The following GADL1 variants were observed in gnomAD, a reference collection of about 807,000 sequenced individuals.
GADL1 encodes acidic amino acid decarboxylase GADL1.
In GADL1, 71 loss-of-function variants were observed where a neutral mutation model predicts 69.5. The observed-to-expected ratio is 1.02, with a 90% CI of 0.84 to 1.25. The LOEUF is 1.25. Among genes scored for constraint, GADL1 ranks in the 50% most tolerant of loss-of-function variants. The pLI is 0.00. For missense variants in GADL1, 737 were observed against 631.8 expected (o/e 1.17, Z -1.79); for synonymous variants, 254 against 214.4 (o/e 1.18, Z -1.62).
Position 30,787,594 on chromosome 3 carries a change from C to CA in GADL1, c.1251-1189dup, listed in dbSNP as rs998796919. Among the ~76,000 whole-genome samples the CA allele has an allele frequency of 3.3e-4, 50 of 151,926 alleles. 1 individual carries two copies. Among genetic ancestry groups the CA allele is most frequent in the African/African-American group, 1.2e-3 (49 of 41,366 alleles). On this transcript the variant is annotated intron_variant, in intron 12 of 14. Transcript: ENST00000282538. ...TTATTGTGATTTTTATATATAATAG[C>CA]AAAAAATCACACCGAACATCAGGAA...
chr3:30,833,632 A>G (rs1697826392), intron 11 of GADL1, among the ~76,000 whole-genome samples: 1 of 152,112 alleles, frequency 6.6e-6, no homozygotes, highest in Non-Finnish European at 1.5e-5. Flanking sequence ...TAATGAGATT[A>G]TATAATACCT....
intron 1 of GADL1, among the ~76,000 whole-genome samples, chr3:30,881,111 C>T (rs1698635322): frequency 6.6e-6 from 1 of 151,858 alleles, no homozygotes. Flanking sequence ...TGGGACTTAC[C>T]TCACAATTCT....
chr3:30,894,263 C>G (rs1416569969), intron 1 of GADL1, among the ~76,000 whole-genome samples: 1 of 152,214 alleles, frequency 6.6e-6, no homozygotes, highest in Non-Finnish European at 1.5e-5. Flanking sequence ...AGGGCAGGTA[C>G]TTCCAATCTA....
At chr3:30,883,103 C>T (rs183477662) in intron 1 of GADL1, among the ~76,000 whole-genome samples, 1 of 152,024 alleles carries the variant, frequency 6.6e-6, no homozygotes, top group Non-Finnish European at 1.5e-5. Context: ...CCATAGATTG[C>T]CTTTTCACTG....
At chr3:30,767,056 T>G (rs1696298540) in intron 14 of GADL1, among the ~76,000 whole-genome samples, 1 of 152,200 alleles carries the variant, frequency 6.6e-6, no homozygotes, top group Non-Finnish European at 1.5e-5. Flanking sequence ...TTCTAAGCAC[T>G]TTGGTATAAT....
Position 30,763,375 on chromosome 3 carries a change from C to T in GADL1, c.1392+14804G>A, listed in dbSNP as rs563679345. ...AAAATTAACCAAGTATAGTGGCCGGCGCCTGTAGTCCCAGCTACTTGGGAG... is the reference window on the plus strand; with the variant it reads ...AAAATTAACCAAGTATAGTGGCCGGTGCCTGTAGTCCCAGCTACTTGGGAG... On this transcript the variant is annotated intron_variant, in intron 14 of 14. Coordinates refer to ENST00000282538, the MANE Select transcript of GADL1 (RefSeq NM_207359.3). Among the ~76,000 whole-genome samples the T allele has an allele frequency of 1.5e-4, 22 of 151,010 alleles. No homozygotes were observed. The East Asian group carries it at 4.1e-3, about 28-fold the overall frequency.
chr3:30,889,084 TAAAAAAAAA>T (rs60227313), intron 1 of GADL1, among the ~76,000 whole-genome samples: 43 of 32,916 alleles, frequency 1.3e-3, no homozygotes, highest in Middle Eastern at 0.05. Flanking sequence ...CGGTAATCTA[TAAAAAAAAA>T]AAAAAAAAAA....
At chr3:30,730,490 C>T (rs1021287528) in intron 14 of GADL1, among the ~76,000 whole-genome samples, 5 of 151,942 alleles carry the variant, frequency 3.3e-5, no homozygotes, top group African/African-American at 1.2e-4. Context: ...CCTGAAGAAA[C>T]CCGAGCTGCA....
chr3:30,794,751 T>A (rs758325457), intron 12 of GADL1, among the ~76,000 whole-genome samples: 2 of 152,202 alleles, frequency 1.3e-5, no homozygotes, highest in African/African-American at 4.8e-5. Flanking sequence ...ATCATTGTCC[T>A]CCTGAAAGTG....
intron 14 of GADL1, among the ~76,000 whole-genome samples, chr3:30,767,850 C>T (rs751813416): frequency 3.4e-4 from 52 of 152,132 alleles, no homozygotes; most frequent in Admixed American, 1.4e-3. Flanking sequence ...AAAACCCAAA[C>T]CATGTTACCC....
intron 11 of GADL1, among the ~76,000 whole-genome samples, chr3:30,820,177 T>A (rs562385244): frequency 6.6e-6 from 1 of 152,044 alleles, no homozygotes; most frequent in South Asian, 2.1e-4. Context: ...GAAAATCTGT[T>A]AACATAAATT....
chr3:30,756,598 C>T (rs555817273), intron 14 of GADL1, among the ~76,000 whole-genome samples: 2 of 152,234 alleles, frequency 1.3e-5, no homozygotes, highest in Non-Finnish European at 2.9e-5. Flanking sequence ...AAATTCTGAC[C>T]CAAGGCCTCA....
chr3:30,848,305 G>A (rs1698088500), intron 6 of GADL1, among the ~76,000 whole-genome samples: 1 of 152,148 alleles, frequency 6.6e-6, no homozygotes, highest in African/African-American at 2.4e-5. Flanking sequence ...GTTGCCTCCT[G>A]TCACTCAACT....
chr3:30,830,113 C>A (rs184648658), intron 11 of GADL1, among the ~76,000 whole-genome samples: 1 of 152,010 alleles, frequency 6.6e-6, no homozygotes, highest in African/African-American at 2.4e-5. Flanking sequence ...GATCTCCTCT[C>A]ACCTTTCTTC....
chr3:30,886,107 A>G (rs560234877), intron 1 of GADL1, among the ~76,000 whole-genome samples: 1 of 152,282 alleles, frequency 6.6e-6, no homozygotes, highest in African/African-American at 2.4e-5. Context: ...ATGCATCACA[A>G]TGAAAATTAC....
intron 12 of GADL1, among the ~76,000 whole-genome samples, chr3:30,791,783 A>G (rs1292901411): frequency 1.3e-5 from 2 of 151,988 alleles, no homozygotes; most frequent in Non-Finnish European, 2.9e-5. Context: ...CATGGGAGGG[A>G]CCTGGTAGGA....
intron 11 of GADL1, among the ~76,000 whole-genome samples, chr3:30,816,310 G>A (rs1697468896): frequency 6.6e-6 from 1 of 151,988 alleles, no homozygotes; most frequent in African/African-American, 2.4e-5. Flanking sequence ...ACTCAAGTGG[G>A]CAAAGAAGAG....
At chr3:30,817,882 G>A (rs1023778826) in intron 11 of GADL1, among the ~76,000 whole-genome samples, 1 of 152,194 alleles carries the variant, frequency 6.6e-6, no homozygotes, top group Non-Finnish European at 1.5e-5. Flanking sequence ...GTACTGGGAA[G>A]ACAGACAGTA....
chr3:30,836,814 C>T (rs1261447929), intron 9 of GADL1, among the ~76,000 whole-genome samples: 1 of 152,076 alleles, frequency 6.6e-6, no homozygotes, highest in African/African-American at 2.4e-5. Context: ...AGAGCTAGAC[C>T]AGCCCGACGT....
Sources: gnomAD v4.1 joint callset for allele counts (sites outside exome capture counted in the v4.1 genomes callset) on GRCh38, gnomAD v4.1.1 for gene constraint, MANE v1.5 for transcripts, NCBI Gene and HGNC (gene_info 2026-07-23, HGNC 2026-07-21) for gene names.